Variants in GPATCH8 observed in about 807,000 individuals in gnomAD.
GPATCH8 encodes G-patch domain containing 8.
GPATCH8 carries 18 observed loss-of-function variants against 118.3 expected under a neutral mutation model. The observed-to-expected ratio is 0.15, with a 90% CI of 0.11 to 0.23. The LOEUF (loss-of-function observed/expected upper bound fraction) is 0.23. GPATCH8 is among the 10% of genes least tolerant of loss of function. The probability of loss-of-function intolerance (pLI) is 1.00; values close to 1 mark genes in which losing one functional copy is unlikely to be tolerated. For missense variants in GPATCH8, 1,631 were observed against 1,873.8 expected (o/e 0.87, Z 2.39); for synonymous variants, 659 against 684.7 (o/e 0.96, Z 0.59).
chr17:44,480,928 A>G (rs1968184613), intron 1 of GPATCH8, among the ~76,000 whole-genome samples: 1 of 152,058 alleles, frequency 6.6e-6, no homozygotes, highest in African/African-American at 2.4e-5. Context: ...TTGTTTGGAG[A>G]GACAGTCTCT....
chr17:44,473,835 C>T (rs1967507513), intron 2 of GPATCH8: 1 of 152,216 alleles, frequency 6.6e-6, no homozygotes, highest in African/African-American at 2.4e-5. Flanking sequence ...CAAACACACA[C>T]AACACCAACC....
intron 2 of GPATCH8, among the ~76,000 whole-genome samples, chr17:44,469,443 T>C (rs1598579855): frequency 1.3e-5 from 2 of 152,312 alleles, no homozygotes; most frequent in East Asian, 1.9e-4. Flanking sequence ...ATTTACTTTA[T>C]TGTATGAAGC....
chr17:44,476,407 G>A (rs1421219704), intron 1 of GPATCH8, among the ~76,000 whole-genome samples: 1 of 151,986 alleles, frequency 6.6e-6, no homozygotes, highest in Non-Finnish European at 1.5e-5. Context: ...GTTTCACCAT[G>A]TTGCCCAGGG....
intron 3 of GPATCH8, among the ~76,000 whole-genome samples, chr17:44,448,104 C>T (rs116578150): frequency 0.012 from 1,870 of 152,020 alleles, 33 homozygotes; most frequent in African/African-American, 0.037. Context: ...CTACCAAGCC[C>T]GGCTAATTTA....
chr17:44,402,028 A>AT (rs1567938551), intron 7 of GPATCH8, among the ~76,000 whole-genome samples: 1 of 148,716 alleles, frequency 6.7e-6, no homozygotes, highest in African/African-American at 2.5e-5. Flanking sequence ...AAAAAATAAA[A>AT]AATAAAGTAC....
intron 1 of GPATCH8, among the ~76,000 whole-genome samples, chr17:44,487,073 T>G (rs1453904133): frequency 6.6e-6 from 1 of 152,210 alleles, no homozygotes; most frequent in Admixed American, 6.5e-5. Flanking sequence ...TTTTGACAAA[T>G]GTATACAGAC....
At chr17:44,469,669 C>T (rs973154756) in intron 2 of GPATCH8, among the ~76,000 whole-genome samples, 1 of 152,132 alleles carries the variant, frequency 6.6e-6, no homozygotes. Flanking sequence ...GTATTAAAGA[C>T]TATAAGCAAG....
intron 3 of GPATCH8, among the ~76,000 whole-genome samples, chr17:44,462,799 G>A (rs1006849138): frequency 2.0e-5 from 3 of 151,962 alleles, no homozygotes; most frequent in Non-Finnish European, 2.9e-5. Flanking sequence ...TGGCTAACAC[G>A]GTGAAACCCC....
chr17:44,438,187 T>C (rs772794347), intron 3 of GPATCH8, among the ~76,000 whole-genome samples: 3 of 152,132 alleles, frequency 2.0e-5, no homozygotes, highest in Admixed American at 6.6e-5. Context: ...TAAAAACAAA[T>C]AGTCCAATGA....
chr17:44,503,189 A>C (rs1970224728), intron 1 of GPATCH8, 137 bp downstream of exon 1: 1 of 784,908 alleles, frequency 1.3e-6, no homozygotes, highest in East Asian at 2.7e-5. Context: ...CTCTTGAGAA[A>C]GCAGAGACGG....
chr17:44,488,984 G>A (rs568296610), intron 1 of GPATCH8, among the ~76,000 whole-genome samples: 11 of 151,322 alleles, frequency 7.3e-5, no homozygotes, highest in Non-Finnish European at 1.3e-4. Flanking sequence ...GCTTGAACCC[G>A]GGAGGCAGAG....
chr17:44,470,914 AG>A (rs1244600987), intron 2 of GPATCH8, among the ~76,000 whole-genome samples: 1 of 152,252 alleles, frequency 6.6e-6, no homozygotes, highest in Non-Finnish European at 1.5e-5. Flanking sequence ...CTTTAGATCA[AG>A]CTTTGTTTTG....
At chr17:44,502,100 T>TACTGCTGCAA (rs1970111101) in intron 1 of GPATCH8, among the ~76,000 whole-genome samples, 1 of 152,176 alleles carries the variant, frequency 6.6e-6, no homozygotes, top group African/African-American at 2.4e-5. Flanking sequence ...CCAGATCCCT[T>TACTGCTGCAA]ACTGCTGCAA....
chr17:44,420,727 C>T lies in GPATCH8; in HGVS notation c.492+3622G>A, dbSNP rs1202852871. Among the ~76,000 whole-genome samples, 3 of 152,300 alleles carry T rather than the reference C, an allele frequency of 2.0e-5. No homozygotes were observed. In the East Asian group the frequency reaches 5.8e-4, roughly 29 times the overall value. On this transcript the variant is annotated intron_variant, in intron 6 of 7. Transcript: ENST00000591680. The stretch of plus-strand genomic sequence containing the variant: ...TACATTCAGGTTGAGGACAGTGTCA[C>T]TAAAACATTATCATACAACACATTA...
chr17:44,455,147 T>G (rs1411826184), intron 3 of GPATCH8, among the ~76,000 whole-genome samples: 1 of 152,170 alleles, frequency 6.6e-6, no homozygotes, highest in Non-Finnish European at 1.5e-5. Flanking sequence ...ATTTCAAAGT[T>G]AGGCTTATAT....
At chr17:44,500,387 G>A in intron 1 of GPATCH8, among the ~76,000 whole-genome samples, 1 of 152,162 alleles carries the variant, frequency 6.6e-6, no homozygotes, top group Non-Finnish European at 1.5e-5. Context: ...GGACCTGTTT[G>A]TTATTATAAT....
At chr17:44,480,664 G>A (rs1222222433) in intron 1 of GPATCH8, among the ~76,000 whole-genome samples, 3 of 149,398 alleles carry the variant, frequency 2.0e-5, no homozygotes, top group Non-Finnish European at 3.0e-5. Flanking sequence ...AGGTTGCAGT[G>A]AGCTGAGATC....
chr17:44,474,388 A>G (rs1967560853), intron 2 of GPATCH8: 1 of 252,190 alleles, frequency 4.0e-6, no homozygotes, highest in African/African-American at 2.3e-5. Context: ...AATAAAACAT[A>G]TTACTCCTTA....
intron 7 of GPATCH8, among the ~76,000 whole-genome samples, chr17:44,404,595 T>C (rs1567942237): frequency 6.6e-6 from 1 of 152,262 alleles, no homozygotes; most frequent in South Asian, 2.1e-4. Context: ...TGTTCTTATC[T>C]CTATCTTACA....
Sources: allele counts gnomAD v4.1 joint callset (sites outside exome capture counted in the v4.1 genomes callset), GRCh38; gene constraint gnomAD v4.1.1; transcripts MANE v1.5; gene names NCBI Gene and HGNC (gene_info 2026-07-23, HGNC 2026-07-21).